PTPN13: variants seen among roughly 807,000 people sequenced by gnomAD.
PTPN13 encodes the protein protein tyrosine phosphatase non-receptor type 13.
A neutral mutation model predicts 284.0 loss-of-function variants in PTPN13; 191 were observed. That is an observed-to-expected ratio of 0.67 (90% CI 0.60 to 0.76). The LOEUF (loss-of-function observed/expected upper bound fraction) is 0.76. PTPN13 is among the 30% of genes least tolerant of loss of function. The pLI, the probability that PTPN13 is intolerant of heterozygous loss-of-function variation, is 0.00. For missense variants in PTPN13, 2,797 were observed against 2,939.9 expected (o/e 0.95, Z 1.12); for synonymous variants, 986 against 1,022.3 (o/e 0.96, Z 0.68).
chr4:86,654,314 A>G (rs1276237463), intron 2 of PTPN13, among the ~76,000 whole-genome samples: 2 of 152,232 alleles, frequency 1.3e-5, no homozygotes, highest in Non-Finnish European at 2.9e-5. Context: ...AGAATCAAAT[A>G]GACACAATAA....
chr4:86,806,947 A>G (rs943801606), intron 44 of PTPN13, among the ~76,000 whole-genome samples: 2 of 152,204 alleles, frequency 1.3e-5, no homozygotes, highest in African/African-American at 4.8e-5. Context: ...ATATGAAATT[A>G]TAATAAAACA....
intron 1 of PTPN13, among the ~76,000 whole-genome samples, chr4:86,626,041 T>G (rs1721796953): frequency 6.6e-6 from 1 of 152,152 alleles, no homozygotes; most frequent in African/African-American, 2.4e-5. Flanking sequence ...ACATCAAAAT[T>G]CTACCATTGC....
At chr4:86,787,922 A>C (rs550598272) in intron 40 of PTPN13, among the ~76,000 whole-genome samples, 1 of 152,324 alleles carries the variant, frequency 6.6e-6, no homozygotes, top group South Asian at 2.1e-4. Flanking sequence ...GAGGAAACAA[A>C]TTATTAGGAA....
At chr4:86,761,171 A>ATATAC (rs1166814661) in intron 23 of PTPN13, among the ~76,000 whole-genome samples, 1 of 85,956 alleles carries the variant, frequency 1.2e-5, no homozygotes, top group Non-Finnish European at 2.5e-5. Flanking sequence ...TATATATATA[A>ATATAC]ACACAACACA....
intron 10 of PTPN13, among the ~76,000 whole-genome samples, chr4:86,722,761 A>C (rs1733812511): frequency 6.6e-6 from 1 of 152,222 alleles, no homozygotes; most frequent in Admixed American, 6.5e-5. Flanking sequence ...TAAGAAATTT[A>C]TTATTCCATA....
chr4:86,732,131 G>C (rs1735015908), intron 10 of PTPN13, among the ~76,000 whole-genome samples: 2 of 152,154 alleles, frequency 1.3e-5, no homozygotes, highest in Admixed American at 1.3e-4. Flanking sequence ...CAGTGTAAAA[G>C]TGAGGCATTA....
intron 20 of PTPN13, among the ~76,000 whole-genome samples, chr4:86,756,611 A>G (rs1009482256): frequency 6.6e-6 from 1 of 152,142 alleles, no homozygotes; most frequent in Admixed American, 6.6e-5. Flanking sequence ...TCAAAACAGT[A>G]TTGAGATACA....
rs143540184 is a variant in PTPN13, at chr4:86,635,395, T to C, written c.115+24T>C. On this transcript the variant is annotated intron_variant, in intron 2 of 47. Transcript: ENST00000411767. ...AGGTAAGCTGCTGCTGCTGCTGCTG[T>C]TGTTGTTGTTGTTTCAGTATTGGGT... The C allele has an allele frequency of 7.1e-4, 1,102 of 1,555,436 alleles. 4 individuals carry two copies. The East Asian group carries it at 0.013, about 18-fold the overall frequency.
intron 9 of PTPN13, among the ~76,000 whole-genome samples, chr4:86,718,582 C>G (rs531184553): frequency 6.6e-6 from 1 of 152,068 alleles, no homozygotes; most frequent in Non-Finnish European, 1.5e-5. Flanking sequence ...TCCCGAGTAG[C>G]TGGGATTGCA....
At chr4:86,708,453 G>C (rs1732007210) in intron 7 of PTPN13, among the ~76,000 whole-genome samples, 1 of 152,058 alleles carries the variant, frequency 6.6e-6, no homozygotes, top group Non-Finnish European at 1.5e-5. Flanking sequence ...AACCAATACA[G>C]ACTTTCCAGT....
Position 86,656,979 on chromosome 4 carries a change from G to T in PTPN13, c.116-15386G>T, listed in dbSNP as rs1725908167. Among the ~76,000 whole-genome samples the T allele has an allele frequency of 2.0e-5, 3 of 152,204 alleles. No individual in the cohort carries two copies. The South Asian group carries it at 6.2e-4, about 32-fold the overall frequency. ...CCTTGCAGTTTGATCTCAGACTGCT[G>T]TGCTAGCAGTGAGCGAGGCTCTGTG... is the stretch of plus-strand genomic sequence containing the variant. On this transcript the variant is annotated intron_variant, in intron 2 of 47. Coordinates refer to ENST00000411767, the MANE Select transcript of PTPN13 (RefSeq NM_080683.3).
chr4:86,757,762 C>CAAAAAAAAAAAAAAAAAAAAAAA lies in PTPN13; in HGVS notation c.3224-482_3224-481insAAAAAAAAAAAAAAAAAAAAAAA, dbSNP rs542129918. Among the ~76,000 whole-genome samples the CAAAAAAAAAAAAAAAAAAAAAAA allele has an allele frequency of 6.3e-4, 71 of 112,430 alleles. 2 individuals carry two copies. Among genetic ancestry groups the CAAAAAAAAAAAAAAAAAAAAAAA allele is most frequent in the African/African-American group, 2.5e-3 (70 of 28,384 alleles). 73.8% of individuals were successfully genotyped at this position (112,430 alleles called of 152,430 possible). On this transcript the variant is annotated intron_variant, in intron 20 of 47. Transcript: ENST00000411767. ...TGAGTAGCAAAGCAAGACTCTGTCT[C>CAAAAAAAAAAAAAAAAAAAAAAA]AAAAAAAAAAAAAAAATCCAGTTTC...
At chr4:86,731,060 C>T (rs1235164346) in intron 10 of PTPN13, among the ~76,000 whole-genome samples, 2 of 152,194 alleles carry the variant, frequency 1.3e-5, no homozygotes, top group Non-Finnish European at 2.9e-5. Context: ...TCACATGTTA[C>T]ACACTCAATT....
rs117218435 is a variant in PTPN13, at chr4:86,679,930, T to C, written c.295-6780T>C. Among the ~76,000 whole-genome samples, 21 of 152,346 alleles carry C rather than the reference T, an allele frequency of 1.4e-4. 1 individual carries two copies. Among genetic ancestry groups the C allele is most frequent in the East Asian group, 1.2e-3 (6 of 5,190 alleles). On this transcript the variant is annotated intron_variant, in intron 3 of 47. Coordinates refer to ENST00000411767, the MANE Select transcript of PTPN13 (RefSeq NM_080683.3). ...ATCCCATTTTATATTTCAACAAATATTTATCATATGTGGGCTCTGGATTGA... is the reference window on the plus strand; with the variant it reads ...ATCCCATTTTATATTTCAACAAATACTTATCATATGTGGGCTCTGGATTGA...
chr4:86,600,743 TAAGTA>T (rs1053447783), intron 1 of PTPN13, among the ~76,000 whole-genome samples: 3 of 152,058 alleles, frequency 2.0e-5, no homozygotes, highest in South Asian at 2.1e-4. Flanking sequence ...TAGCACTATT[TAAGTA>T]TTTTTGCTTC....
chr4:86,777,884 G>C (rs1319296271), intron 35 of PTPN13, among the ~76,000 whole-genome samples: 1 of 152,146 alleles, frequency 6.6e-6, no homozygotes, highest in African/African-American at 2.4e-5. Flanking sequence ...TAGGAGGGGA[G>C]GGAAGTCTTC....
intron 3 of PTPN13, among the ~76,000 whole-genome samples, chr4:86,680,399 A>ATCTC (rs755241371): frequency 7.9e-6 from 1 of 125,836 alleles, no homozygotes; most frequent in Non-Finnish European, 1.7e-5. Context: ...CTATCTATCT[A>ATCTC]TCTCTATCTC....
intron 1 of PTPN13, among the ~76,000 whole-genome samples, chr4:86,625,177 A>G (rs991896192): frequency 4.6e-5 from 7 of 151,948 alleles, no homozygotes; most frequent in Non-Finnish European, 7.4e-5. Flanking sequence ...ACCTCCTCCT[A>G]TATCTTGGAA....
intron 7 of PTPN13, 106 bp from the exon 8 acceptor site, chr4:86,716,424 G>C (rs1404174463): frequency 1.5e-5 from 10 of 676,196 alleles, no homozygotes; most frequent in African/African-American, 1.3e-4. Context: ...TAAATTTAAA[G>C]CAATGTATAA....
Sources: gnomAD v4.1 joint callset for allele counts (sites outside exome capture counted in the v4.1 genomes callset) on GRCh38, gnomAD v4.1.1 for gene constraint, MANE v1.5 for transcripts, NCBI Gene and HGNC (gene_info 2026-07-23, HGNC 2026-07-21) for gene names.